Variants in MAP3K1 observed in about 807,000 individuals in gnomAD.
MAP3K1 encodes MAP/ERK kinase kinase 1.
A neutral mutation model predicts 144.2 loss-of-function variants in MAP3K1; 36 were observed. The observed-to-expected ratio is 0.25, with a 90% CI of 0.19 to 0.33. The LOEUF (loss-of-function observed/expected upper bound fraction) is 0.33, where lower values mean the gene tolerates loss of function less well. Among genes scored for constraint, MAP3K1 ranks in the 10% least tolerant of loss-of-function variants. MAP3K1 has a pLI of 1.00. For synonymous variants in MAP3K1, 718 were observed against 688.7 expected (o/e 1.04, Z -0.67); for missense variants, 1,650 against 1,881.9 (o/e 0.88, Z 2.28).
intron 1 of MAP3K1, among the ~76,000 whole-genome samples, chr5:56,847,612 C>T (rs1286939877): frequency 1.3e-5 from 2 of 152,168 alleles, no homozygotes; most frequent in African/African-American, 4.8e-5. Context: ...AAAAGTAACA[C>T]TTTTCCTGCA....
Position 56,826,913 on chromosome 5 carries a change from G to C in MAP3K1, c.482+10858G>C, listed in dbSNP as rs531818068. 2.2e-4 allele frequency among the ~76,000 whole-genome samples: 34 copies of C among 152,336 alleles called. 1 individual carries two copies. The South Asian group carries it at 6.6e-3, about 30-fold the overall frequency. ...GAAGTCTCCATCACTTGCCTGTGGA[G>C]GAGCTTACCTGATGACAGACAGTGC... On this transcript the variant is annotated intron_variant, in intron 1 of 19. Transcript: ENST00000399503.
intron 6 of MAP3K1, among the ~76,000 whole-genome samples, chr5:56,869,838 A>G (rs1747797484): frequency 6.6e-6 from 1 of 152,132 alleles, no homozygotes; most frequent in Non-Finnish European, 1.5e-5. Flanking sequence ...TGCTGCTGTT[A>G]ATTCTTTGTT....
chr5:56,848,248 T>C (rs1202551266), intron 1 of MAP3K1, among the ~76,000 whole-genome samples: 9 of 152,244 alleles, frequency 5.9e-5, no homozygotes, highest in African/African-American at 7.2e-5. Context: ...ATAAAAACTT[T>C]CGAATATTCT....
intron 17 of MAP3K1, 53 bp from the exon 18 acceptor site, chr5:56,887,325 T>A (rs1748408719): frequency 2.5e-6 from 4 of 1,592,474 alleles, no homozygotes; most frequent in Non-Finnish European, 2.6e-6. Flanking sequence ...GGCTTTTATC[T>A]GTCCTTATTT....
At chr5:56,837,028 A>T (rs1009613083) in intron 1 of MAP3K1, among the ~76,000 whole-genome samples, 2 of 152,168 alleles carry the variant, frequency 1.3e-5, no homozygotes, top group African/African-American at 4.8e-5. Context: ...TTTTAAATGT[A>T]TCCTGCCAGC....
chr5:56,841,605 C>T (rs16886400), intron 1 of MAP3K1, among the ~76,000 whole-genome samples: 15,112 of 152,194 alleles, frequency 0.099, 1,217 homozygotes, highest in East Asian at 0.34. Context: ...CCAGATTTAA[C>T]GATTAAAAGG....
chr5:56,882,649 A>G lies in MAP3K1; in HGVS notation c.3449A>G (p.Lys1150Arg). 2 of 1,614,154 alleles carry G rather than the reference A, an allele frequency of 1.2e-6. 1 individual carries two copies. The highest frequency in any genetic ancestry group is 2.2e-5 in the South Asian group (2 of 91,088). The part of the protein sequence containing the change: ...MPSSDTTVTF[K>R]SEVAVLSPEK... ...TCAAGTGATACAACAGTAACTTTTA[A>G]GTCAGAAGTTGCTGTCCTGTCTCCT... Residue 1150 changes from lysine (K) to arginine (R), a missense_variant, in exon 14 of 20, where the codon AAG (lysine) becomes AGG (arginine). Coordinates refer to ENST00000399503, the MANE Select transcript of MAP3K1 (RefSeq NM_005921.2).
At position 56,882,761 on chromosome 5, in the gene MAP3K1, A is replaced by T; in HGVS notation, c.3561A>T (p.Glu1187Asp). The stretch of plus-strand genomic sequence containing the variant: ...AGAAGATGGAAGCTGAAGAAGAAGA[A>T]GCTTTAGCAATTGCCATGGCAATGT... ...CKEKMEAEEE[E>D]ALAIAMAMSA... Residue 1187 changes from glutamate to aspartate, a missense_variant, in exon 14 of 20, where the codon GAA (glutamate) becomes GAT (aspartate). Glu to Asp is a conservative substitution (Grantham distance 45, BLOSUM62 2). Coordinates refer to ENST00000399503, the MANE Select transcript of MAP3K1 (RefSeq NM_005921.2). The T allele has an allele frequency of 6.2e-7, 1 of 1,612,048 alleles. No homozygotes were observed. The highest frequency in any genetic ancestry group is 8.5e-7 in the Non-Finnish European group (1 of 1,179,020).
intron 17 of MAP3K1, among the ~76,000 whole-genome samples, chr5:56,886,948 A>C (rs193070308): frequency 6.6e-6 from 1 of 151,972 alleles, no homozygotes; most frequent in Admixed American, 6.6e-5. Flanking sequence ...TTTTGTAGAG[A>C]TGGGGTTTTG....
Position 56,895,933 on chromosome 5 carries a change from A to C in MAP3K1, c.*2253A>C, listed in dbSNP as rs920688595. The C allele has an allele frequency of 1.2e-4, 27 of 225,032 alleles. No individual in the cohort carries two copies. The highest frequency in any genetic ancestry group is 2.1e-4 in the Non-Finnish European group (24 of 114,728). 13.9% of individuals were successfully genotyped at this position (225,032 alleles called of 1,614,324 possible). A position where few individuals can be genotyped will look rare whatever the true frequency, so the allele number is the denominator to read the frequency against. On this transcript the variant is annotated 3_prime_UTR_variant, in exon 20 of 20. Transcript: ENST00000399503. ...TGATTCCTAAGATTTCCAGGGCTTAAGGGCTAACTTCTATTAGCACCTTAC... is the reference window on the plus strand; with the variant it reads ...TGATTCCTAAGATTTCCAGGGCTTACGGGCTAACTTCTATTAGCACCTTAC...
intron 1 of MAP3K1, among the ~76,000 whole-genome samples, chr5:56,836,053 C>G (rs925136410): frequency 6.6e-6 from 1 of 152,166 alleles, no homozygotes; most frequent in African/African-American, 2.4e-5. Flanking sequence ...AATCCCTGCT[C>G]TCAGAGAGAT....
intron 1 of MAP3K1, among the ~76,000 whole-genome samples, chr5:56,821,953 A>G (rs1481807659): frequency 6.6e-6 from 1 of 152,202 alleles, no homozygotes; most frequent in Non-Finnish European, 1.5e-5. Flanking sequence ...TTTAATCATG[A>G]TCTAGCTTAA....
chr5:56,849,866 A>G (rs2111841655), intron 1 of MAP3K1, among the ~76,000 whole-genome samples: 1 of 152,354 alleles, frequency 6.6e-6, no homozygotes, highest in Non-Finnish European at 1.5e-5. Flanking sequence ...AGACTGTGAA[A>G]TCACTCTCAT....
chr5:56,835,967 A>G (rs1746640755), intron 1 of MAP3K1, among the ~76,000 whole-genome samples: 1 of 152,192 alleles, frequency 6.6e-6, no homozygotes, highest in Admixed American at 6.5e-5. Flanking sequence ...GTATAACAAA[A>G]CATTCACTCA....
chr5:56,854,721 C>T (rs1008378367), intron 1 of MAP3K1, among the ~76,000 whole-genome samples: 2 of 152,096 alleles, frequency 1.3e-5, no homozygotes, highest in African/African-American at 4.8e-5. Context: ...GGGCCAGGAA[C>T]AGAAACTGAA....
chr5:56,834,633 C>T (rs944363409), intron 1 of MAP3K1, among the ~76,000 whole-genome samples: 9 of 152,114 alleles, frequency 5.9e-5, no homozygotes, highest in Non-Finnish European at 8.8e-5. Context: ...CACTTGAACC[C>T]GAGAGGCGGA....
chr5:56,816,766 T>G (rs1745988053), intron 1 of MAP3K1, among the ~76,000 whole-genome samples: 1 of 152,160 alleles, frequency 6.6e-6, no homozygotes, highest in East Asian at 1.9e-4. Flanking sequence ...TTTTAGGAAG[T>G]GCGGTTTGTC....
At chr5:56,824,691 C>T (rs1314241862) in intron 1 of MAP3K1, among the ~76,000 whole-genome samples, 1 of 152,186 alleles carries the variant, frequency 6.6e-6, no homozygotes, top group East Asian at 1.9e-4. Flanking sequence ...GTGTCTTGAT[C>T]TTTGAAGTGG....
chr5:56,829,869 T>A (rs16886383), intron 1 of MAP3K1, among the ~76,000 whole-genome samples: 15,105 of 152,296 alleles, frequency 0.099, 1,217 homozygotes, highest in East Asian at 0.34. Context: ...GAAATCATCC[T>A]GCAGTTTTTT....
Sources: allele counts gnomAD v4.1 joint callset (sites outside exome capture counted in the v4.1 genomes callset), GRCh38; gene constraint gnomAD v4.1.1; transcripts MANE v1.5; gene names NCBI Gene and HGNC (gene_info 2026-07-23, HGNC 2026-07-21).